The following ANKRD13D variants were observed in gnomAD, a reference collection of about 807,000 sequenced individuals.
The protein encoded by ANKRD13D is ankyrin repeat domain 13D.
Under a neutral mutation model 68.8 loss-of-function variants are expected in ANKRD13D, and 24 were observed. The observed-to-expected ratio is 0.35, with a 90% CI of 0.25 to 0.49. The LOEUF is 0.49. ANKRD13D is among the 20% of genes least tolerant of loss of function. The probability of loss-of-function intolerance (pLI) is 0.99; values close to 1 mark genes in which losing one functional copy is unlikely to be tolerated. For missense variants in ANKRD13D, 735 were observed against 832.1 expected (o/e 0.88, Z 1.44); for synonymous variants, 331 against 336.1 (o/e 0.98, Z 0.16).
intron 3 of ANKRD13D, 115 bp from the exon 4 acceptor site, chr11:67,291,361 A>G (rs1246121084): frequency 1.8e-6 from 2 of 1,088,292 alleles, no homozygotes; most frequent in African/African-American, 3.2e-5. Context: ...CAAAAAAAAA[A>G]AAAAAAAAAA....
At position 67,300,260 on chromosome 11, in the gene ANKRD13D, T is replaced by C. The variant is rs1860928298; in HGVS notation, c.1073+137T>C. 1.6e-6 allele frequency: 2 copies of C among 1,276,112 alleles called. No homozygotes were observed. The highest frequency in any genetic ancestry group is 1.1e-6 in the Non-Finnish European group (1 of 928,900). The allele number at this position is 1,276,112 out of a possible 1,614,324, so 79.0% of individuals were successfully genotyped here. ...CTCCACTCCTGGAGGGCAGGAGTCA[T>C]GTCTGCCTTATCCATGGTCCTCAGC... On this transcript the variant is annotated intron_variant, in intron 10 of 14. Transcript: ENST00000511455. The surrounding 1 kb of genome is among the most constrained non-coding windows in gnomAD (Gnocchi z 4.3).
chr11:67,300,581 C>A lies in ANKRD13D; in HGVS notation c.1074-409C>A. The A allele has an allele frequency of 2.6e-6, 1 of 379,088 alleles. No homozygotes were observed. Among genetic ancestry groups the A allele is most frequent in the Non-Finnish European group, 4.7e-6 (1 of 210,552 alleles). 23.5% of individuals were successfully genotyped at this position (379,088 alleles called of 1,614,324 possible). A position where few individuals can be genotyped will look rare whatever the true frequency, so the allele number is the denominator to read the frequency against. The stretch of plus-strand genomic sequence containing the variant: ...TCTCAGGAGGATTCTCTTAGCCACC[C>A]AACAGTCGCTGGGATTCGAACCCTG... On this transcript the variant is annotated intron_variant, in intron 10 of 14. Coordinates refer to ENST00000511455, the MANE Select transcript of ANKRD13D (RefSeq NM_207354.3). This position sits in a 1 kb window ranked among gnomAD's most constrained non-coding sequence, Gnocchi z 4.3.
Position 67,299,809 on chromosome 11 carries a change from C to T in ANKRD13D, c.881-18C>T. 6.5e-7 allele frequency: 1 copy of T among 1,532,302 alleles called. No homozygotes were observed. Among genetic ancestry groups the T allele is most frequent in the Non-Finnish European group, 8.8e-7 (1 of 1,139,452 alleles). 94.9% of individuals were successfully genotyped at this position (1,532,302 alleles called of 1,614,324 possible). A position where few individuals can be genotyped will look rare whatever the true frequency, so the allele number is the denominator to read the frequency against. ...CGAGCATTGTGACCCCTTACCAGCTCCCACCCCTTCTCCGTAGCGGGGAAG... is the reference window on the plus strand; with the variant it reads ...CGAGCATTGTGACCCCTTACCAGCTTCCACCCCTTCTCCGTAGCGGGGAAG... On this transcript the variant is annotated intron_variant, in intron 8 of 14. Transcript: ENST00000511455. This position sits in a 1 kb window ranked among gnomAD's most constrained non-coding sequence, Gnocchi z 6.2.
chr11:67,299,537 G>A lies in ANKRD13D; in HGVS notation c.806G>A (p.Ser269Asn), dbSNP rs752321830. The change falls in exon 8 of 15, where the codon AGT (serine) becomes AAT (asparagine). Residue 269 changes from serine (S) to asparagine (N), a missense_variant. Coordinates refer to ENST00000511455, the MANE Select transcript of ANKRD13D (RefSeq NM_207354.3). This position sits in a 1 kb window ranked among gnomAD's most constrained non-coding sequence, Gnocchi z 6.2. ...TVSGYEAKVY[S>N]ATNVELVTRT... is the part of the protein sequence containing the mutation. ...GTGTCCCCTGCTCCCCAGGTGTACA[G>A]TGCCACCAACGTGGAGCTGGTGACA... The A allele has an allele frequency of 2.6e-6, 4 of 1,550,742 alleles. No homozygotes were observed. The highest frequency in any genetic ancestry group is 2.6e-6 in the Non-Finnish European group (3 of 1,146,894).
Position 67,299,319 on chromosome 11 carries a change from C to A in ANKRD13D, c.798+195C>A. On this transcript the variant is annotated intron_variant, in intron 7 of 14. Coordinates refer to ENST00000511455, the MANE Select transcript of ANKRD13D (RefSeq NM_207354.3). This position sits in a 1 kb window ranked among gnomAD's most constrained non-coding sequence, Gnocchi z 6.2. The stretch of plus-strand genomic sequence containing the variant: ...CATCATGGGCCCCTACCCAGGGTAC[C>A]GAGATCAAAAGAGGAGTGTGTTCCT... 1.4e-6 allele frequency: 1 copy of A among 733,076 alleles called. No individual in the cohort carries two copies. The highest frequency in any genetic ancestry group is 2.7e-5 in the East Asian group (1 of 37,062). The allele number at this position is 733,076 out of a possible 1,614,324, so 45.4% of individuals were successfully genotyped here. A position where few individuals can be genotyped will look rare whatever the true frequency, so the allele number is the denominator to read the frequency against.
chr11:67,289,675 C>T (rs1860451246), intron 1 of ANKRD13D, 125 bp downstream of exon 1: 7 of 1,251,212 alleles, frequency 5.6e-6, no homozygotes, highest in South Asian at 3.1e-5. Flanking sequence ...GGGCCTTCCT[C>T]CCCTGCACGA....
intron 3 of ANKRD13D, 81 bp from the exon 4 acceptor site, chr11:67,291,395 C>T (rs1445015862): frequency 2.0e-6 from 2 of 1,011,106 alleles, no homozygotes; most frequent in Admixed American, 2.1e-5. Flanking sequence ...AAGGGCTGGG[C>T]TGGCTGTGGA....
Position 67,302,279 on chromosome 11 carries a change from CAGG to C in ANKRD13D, c.1776_1778del (p.Glu592del), listed in dbSNP as rs746737297. 8.3e-6 allele frequency: 13 copies of C among 1,565,576 alleles called. No homozygotes were observed. Among genetic ancestry groups the C allele is most frequent in the East Asian group, 2.4e-5 (1 of 42,550 alleles). On this transcript the variant is annotated inframe_deletion, in exon 15 of 15. Transcript: ENST00000511455. ...GGAGGAGCGGGAGCGGCGCGGGCAGCAGGAGGAGGAGGACTTACAGCGGATCCT... is the reference window on the plus strand; with the variant it reads ...GGAGGAGCGGGAGCGGCGCGGGCAGCAGGAGGAGGACTTACAGCGGATCCT...
At chr11:67,297,212 T>A (rs1860785025) in intron 6 of ANKRD13D, among the ~76,000 whole-genome samples, 1 of 152,292 alleles carries the variant, frequency 6.6e-6, no homozygotes, top group Non-Finnish European at 1.5e-5. Context: ...CTTCTAGGCA[T>A]GTCTTTTCTT....
chr11:67,301,185 C>A lies in ANKRD13D; in HGVS notation c.1231+38C>A. ...GCACAGGCAGCGGGAGGACCTCAGG[C>A]ATGGCACCCTCCCTCAGCGCAGTCC... On this transcript the variant is annotated intron_variant, in intron 11 of 14. Transcript: ENST00000511455. This position sits in a 1 kb window ranked among gnomAD's most constrained non-coding sequence, Gnocchi z 4.5. The A allele has an allele frequency of 6.2e-7, 1 of 1,606,480 alleles. No individual in the cohort carries two copies. The highest frequency in any genetic ancestry group is 1.1e-5 in the South Asian group (1 of 89,826).
intron 6 of ANKRD13D, among the ~76,000 whole-genome samples, chr11:67,294,984 C>T (rs1033032775): frequency 2.0e-5 from 3 of 152,042 alleles, no homozygotes; most frequent in Admixed American, 6.6e-5. Flanking sequence ...GATTCCTTTC[C>T]TCAGTATTTT....
At chr11:67,294,984 C>G (rs1033032775) in intron 6 of ANKRD13D, among the ~76,000 whole-genome samples, 1 of 152,042 alleles carries the variant, frequency 6.6e-6, no homozygotes, top group Non-Finnish European at 1.5e-5. Context: ...GATTCCTTTC[C>G]TCAGTATTTT....
intron 6 of ANKRD13D, among the ~76,000 whole-genome samples, chr11:67,294,218 C>T (rs1008006344): frequency 1.3e-5 from 2 of 152,158 alleles, no homozygotes; most frequent in Non-Finnish European, 2.9e-5. Flanking sequence ...TATTTTGGGA[C>T]CCTCGCATTT....
In ANKRD13D at chr11:67,291,533, C is replaced by G; in HGVS notation, c.397+12C>G. ...GTTCACCAGCTGGGGTGAGTGGGGA[C>G]CTCTGGGCTCCCAGGGATTTGGGGT... On this transcript the variant is annotated intron_variant, in intron 4 of 14. Coordinates refer to ENST00000511455, the MANE Select transcript of ANKRD13D (RefSeq NM_207354.3). 1 of 1,613,622 alleles carries G rather than the reference C, an allele frequency of 6.2e-7. No homozygotes were observed. Among genetic ancestry groups the G allele is most frequent in the Non-Finnish European group, 8.5e-7 (1 of 1,179,890 alleles).
chr11:67,300,195 A>T lies in ANKRD13D; in HGVS notation c.1073+72A>T. 1 of 1,592,500 alleles carries T rather than the reference A, an allele frequency of 6.3e-7. No homozygotes were observed. Among genetic ancestry groups the T allele is most frequent in the Non-Finnish European group, 8.6e-7 (1 of 1,167,464 alleles). ...TTGCAGACCCCTCTCTGGGCCTGTC[A>T]TAGTTAGGGACCCACTCCCTCGGCT... is the stretch of plus-strand genomic sequence containing the variant. On this transcript the variant is annotated intron_variant, in intron 10 of 14. Coordinates refer to ENST00000511455, the MANE Select transcript of ANKRD13D (RefSeq NM_207354.3). This position sits in a 1 kb window ranked among gnomAD's most constrained non-coding sequence, Gnocchi z 4.3.
At position 67,299,995 on chromosome 11, in the gene ANKRD13D, C is replaced by T. The variant is rs556184269; in HGVS notation, c.945C>T (p.Ala315=). 92 of 1,612,486 alleles carry T rather than the reference C, an allele frequency of 5.7e-5. No individual in the cohort carries two copies. The South Asian group carries it at 9.6e-4, about 17-fold the overall frequency. Reference sequence around the variant, plus strand: ...AGTCCGCCCTGGGACCCACGCAGGCCCCCGTGCAGCAGGCAGCCAGCCCCA... The same window carrying T: ...AGTCCGCCCTGGGACCCACGCAGGCTCCCGTGCAGCAGGCAGCCAGCCCCA... ...MAQQHSSHTG[A]PVQQAASPTN... The change falls in exon 10 of 15, where the codon GCC becomes GCT. Residue 315 remains alanine, a splice_region_variant and synonymous_variant. Transcript: ENST00000511455. This position sits in a 1 kb window ranked among gnomAD's most constrained non-coding sequence, Gnocchi z 6.2.
chr11:67,289,760 T>A, intron 1 of ANKRD13D: 1 of 1,415,936 alleles, frequency 7.1e-7, no homozygotes. Flanking sequence ...CTTGCCCTGC[T>A]CGCCCGAACT....
In ANKRD13D at chr11:67,302,146, C is replaced by A; in HGVS notation, c.1632C>A (p.Ser544=). 1 of 1,592,088 alleles carries A rather than the reference C, an allele frequency of 6.3e-7. No homozygotes were observed. Among genetic ancestry groups the A allele is most frequent in the South Asian group, 1.1e-5 (1 of 87,870 alleles). Residue 544 remains serine, a synonymous_variant, in exon 15 of 15, where the codon TCC becomes TCA. Coordinates refer to ENST00000511455, the MANE Select transcript of ANKRD13D (RefSeq NM_207354.3). The part of the protein sequence containing the change: ...ERALQESLQL[S]TEPRGPGSPP... ...CCCTCCAGGAAAGCCTGCAGCTGTC[C>A]ACAGAGCCCAGGGGCCCAGGATCCC...
chr11:67,295,653 T>G (rs1860732393), intron 6 of ANKRD13D, among the ~76,000 whole-genome samples: 1 of 149,662 alleles, frequency 6.7e-6, no homozygotes, highest in Non-Finnish European at 1.5e-5. Context: ...CAAGAATTGC[T>G]TGAACACAGG....
Sources: gnomAD v4.1 joint callset for allele counts (sites outside exome capture counted in the v4.1 genomes callset) on GRCh38, gnomAD v4.1.1 for gene constraint, Gnocchi (gnomAD v3.1) non-coding constraint, MANE v1.5 for transcripts, NCBI Gene and HGNC (gene_info 2026-07-23, HGNC 2026-07-21) for gene names.